The following CACNA2D1 variants were observed in gnomAD, a reference collection of about 807,000 sequenced individuals.
CACNA2D1 encodes voltage-dependent calcium channel subunit alpha-2/delta-1.
A neutral mutation model predicts 171.5 loss-of-function variants in CACNA2D1; 53 were observed. The ratio of observed to expected loss-of-function variants is 0.31; its 90% CI spans 0.25 to 0.39. The LOEUF (loss-of-function observed/expected upper bound fraction) is 0.39. Ranked by LOEUF, CACNA2D1 falls within the 10% of genes least tolerant of loss-of-function variation. The probability of loss-of-function intolerance (pLI) is 1.00; values close to 1 mark genes in which losing one functional copy is unlikely to be tolerated. For synonymous variants in CACNA2D1, 442 were observed against 443.1 expected (o/e 1.00, Z 0.03); for missense variants, 903 against 1,299.8 (o/e 0.69, Z 4.69).
At chr7:82,400,178 G>A (rs990092648) in intron 1 of CACNA2D1, among the ~76,000 whole-genome samples, 11 of 150,874 alleles carry the variant, frequency 7.3e-5, no homozygotes, top group South Asian at 2.1e-4. Context: ...TTGACTTGGC[G>A]ATGCGGGCTC....
chr7:82,366,582 T>A (rs1821735301), intron 1 of CACNA2D1, among the ~76,000 whole-genome samples: 1 of 93,672 alleles, frequency 1.1e-5, no homozygotes, highest in Non-Finnish European at 2.7e-5. Context: ...CTGTGAAGTA[T>A]TTCATGGCAG....
chr7:82,004,817 T>C (rs1294224893), intron 18 of CACNA2D1, among the ~76,000 whole-genome samples: 1 of 152,178 alleles, frequency 6.6e-6, no homozygotes, highest in South Asian at 2.1e-4. Context: ...AAATATCTTG[T>C]ATCTTGAGAA....
chr7:82,153,677 T>C (rs1256676720), intron 4 of CACNA2D1, among the ~76,000 whole-genome samples: 1 of 152,104 alleles, frequency 6.6e-6, no homozygotes, highest in Non-Finnish European at 1.5e-5. Context: ...GACTACTTCT[T>C]GATGTTTAAT....
In CACNA2D1 at chr7:82,181,041, A is replaced by ATTTTTTTT. The variant is rs71093367; in HGVS notation, c.295-10440_295-10433dup. Among the ~76,000 whole-genome samples the ATTTTTTTT allele has an allele frequency of 7.1e-3, 99 of 13,960 alleles. 42 individuals carry two copies. Among genetic ancestry groups the ATTTTTTTT allele is most frequent in the Non-Finnish European group, 0.012 (82 of 6,626 alleles). The allele number at this position is 13,960 out of a possible 152,430, so 9.2% of individuals were successfully genotyped here. A position where few individuals can be genotyped will look rare whatever the true frequency, so the allele number is the denominator to read the frequency against. On this transcript the variant is annotated intron_variant, in intron 3 of 38. Coordinates refer to ENST00000356860, the MANE Select transcript of CACNA2D1 (RefSeq NM_000722.4). ...GGTCAGCAGCTGTGGGGCATGTCGG[A>ATTTTTTTT]TTTTTTTTTTTTTTTTTTTTTTTTT...
intron 3 of CACNA2D1, among the ~76,000 whole-genome samples, chr7:82,176,599 A>C (rs923301730): frequency 1.3e-5 from 2 of 151,844 alleles, no homozygotes; most frequent in Non-Finnish European, 2.9e-5. Flanking sequence ...AAAGTTATAA[A>C]ATGTAAACAG....
chr7:82,098,151 AT>A (rs1812155918), intron 6 of CACNA2D1, among the ~76,000 whole-genome samples: 1 of 152,164 alleles, frequency 6.6e-6, no homozygotes, highest in African/African-American at 2.4e-5. Flanking sequence ...AAATAAAAAA[AT>A]AAAGCAAGAA....
At chr7:82,073,534 T>C (rs1048804532) in intron 7 of CACNA2D1, among the ~76,000 whole-genome samples, 1 of 152,182 alleles carries the variant, frequency 6.6e-6, no homozygotes, top group East Asian at 1.9e-4. Flanking sequence ...AACAAAATTA[T>C]CTGTGAGAAC....
intron 10 of CACNA2D1, among the ~76,000 whole-genome samples, chr7:82,045,367 C>A (rs1804434002): frequency 6.6e-6 from 1 of 152,020 alleles, no homozygotes; most frequent in Non-Finnish European, 1.5e-5. Flanking sequence ...ACTATTTAAT[C>A]TAAACCTATG....
intron 24 of CACNA2D1, among the ~76,000 whole-genome samples, chr7:81,977,965 G>A (rs528636562): frequency 2.8e-4 from 42 of 152,086 alleles, no homozygotes; most frequent in Non-Finnish European, 5.6e-4. Context: ...ACATTTATGC[G>A]GCCAACAAAC....
At chr7:82,152,133 A>G (rs1031439857) in intron 4 of CACNA2D1, among the ~76,000 whole-genome samples, 1 of 151,966 alleles carries the variant, frequency 6.6e-6, no homozygotes, top group East Asian at 1.9e-4. Context: ...TAATCCTAAA[A>G]ATGATTAATC....
At chr7:82,125,350 TAAG>T (rs1265276364) in intron 5 of CACNA2D1, among the ~76,000 whole-genome samples, 1 of 152,190 alleles carries the variant, frequency 6.6e-6, no homozygotes, top group Non-Finnish European at 1.5e-5. Flanking sequence ...CTCTGGGAAT[TAAG>T]AAAATAGCAC....
intron 6 of CACNA2D1, among the ~76,000 whole-genome samples, chr7:82,085,482 ACT>A (rs1419313590): frequency 2.0e-5 from 3 of 150,778 alleles, no homozygotes; most frequent in Non-Finnish European, 4.4e-5. Context: ...ACTATTGATG[ACT>A]CTCTGCGGCA....
intron 7 of CACNA2D1, among the ~76,000 whole-genome samples, chr7:82,078,217 C>T (rs1467268927): frequency 2.6e-5 from 4 of 152,016 alleles, no homozygotes; most frequent in African/African-American, 9.7e-5. Context: ...AATAATAAGA[C>T]ATTAAGTAAA....
intron 6 of CACNA2D1, among the ~76,000 whole-genome samples, chr7:82,100,828 CT>C (rs36030630): frequency 0.35 from 50,817 of 146,016 alleles, 8,844 homozygotes; most frequent in East Asian, 0.43. Context: ...AACTTTTTAA[CT>C]TTTTTTTTTT....
intron 34 of CACNA2D1, among the ~76,000 whole-genome samples, chr7:81,963,529 G>A (rs1794384130): frequency 6.6e-6 from 1 of 151,910 alleles, no homozygotes; most frequent in African/African-American, 2.4e-5. Flanking sequence ...ACAGGTGAGG[G>A]TTGAGGGAGG....
intron 3 of CACNA2D1, among the ~76,000 whole-genome samples, chr7:82,232,234 C>A (rs1254272574): frequency 6.6e-6 from 1 of 152,120 alleles, no homozygotes; most frequent in Non-Finnish European, 1.5e-5. Context: ...GAAGAAATAG[C>A]ACCCCAAATT....
Position 81,950,450 on chromosome 7 carries a change from A to G in CACNA2D1, c.3218T>C (p.Ile1073Thr), listed in dbSNP as rs146250893. ...SGLNPSLWYIIGIQFLLLWLV... is the reference protein window; with the variant it reads ...SGLNPSLWYITGIQFLLLWLV... ...CCAAAGTAGTAGAAACTGGATTCCA[A>G]TGATATACCACAGGGAGGGATTTAA... The change falls in exon 39 of 39, where the codon ATT (isoleucine) becomes ACT (threonine). Residue 1073 changes from isoleucine (I) to threonine (T), a missense_variant. Physicochemically the swap from Ile to Thr is moderately conservative, Grantham distance 89. This residue lies in a region of CACNA2D1 where 38 missense variants were observed against 29.2 expected (regional missense o/e 1.30). Coordinates refer to ENST00000356860, the MANE Select transcript of CACNA2D1 (RefSeq NM_000722.4). 3.0e-5 allele frequency: 49 copies of G among 1,613,214 alleles called. No homozygotes were observed. Among genetic ancestry groups the G allele is most frequent in the Admixed American group, 8.4e-5 (5 of 59,830 alleles).
intron 7 of CACNA2D1, among the ~76,000 whole-genome samples, chr7:82,068,710 T>C (rs1807965443): frequency 6.6e-6 from 1 of 152,102 alleles, no homozygotes; most frequent in East Asian, 1.9e-4. Context: ...GCAGCAATCC[T>C]GAGTTAAAAG....
chr7:82,342,386 A>G (rs781778289), intron 2 of CACNA2D1, among the ~76,000 whole-genome samples: 68 of 152,160 alleles, frequency 4.5e-4, no homozygotes, highest in Non-Finnish European at 7.1e-4. Flanking sequence ...ATCAATACCA[A>G]TTGCATGAAT....
Sources: allele counts gnomAD v4.1 joint callset (sites outside exome capture counted in the v4.1 genomes callset), GRCh38; gene constraint gnomAD v4.1.1; regional missense constraint gnomAD v4.1.1; transcripts MANE v1.5; gene names NCBI Gene and HGNC (gene_info 2026-07-23, HGNC 2026-07-21).